Variants in NYNRIN observed in about 807,000 individuals in gnomAD.
NYNRIN encodes the protein protein NYNRIN.
Under a neutral mutation model 146.6 loss-of-function variants are expected in NYNRIN, and 86 were observed. That is an observed-to-expected ratio of 0.59 (90% CI 0.49 to 0.70). The LOEUF is 0.70. NYNRIN is among the 30% of genes least tolerant of loss of function. NYNRIN has a pLI of 0.00. For synonymous variants in NYNRIN, 1,027 were observed against 1,001.3 expected (o/e 1.03, Z -0.48); for missense variants, 2,191 against 2,377.7 (o/e 0.92, Z 1.63).
Position 24,411,527 on chromosome 14 carries a change from G to C in NYNRIN, c.2642+77G>C, listed in dbSNP as rs2042912889. On this transcript the variant is annotated intron_variant, in intron 6 of 8. Transcript: ENST00000382554. The surrounding 1 kb of genome is among the most constrained non-coding windows in gnomAD (Gnocchi z 4.3). ...TGGTGTGTCAGGTGGAGTCCGGCCT[G>C]TCTTCTCTGGGGAAATGGAGGCAAA... is the stretch of plus-strand genomic sequence containing the variant. 1 of 1,265,588 alleles carries C rather than the reference G, an allele frequency of 7.9e-7. No individual in the cohort carries two copies. The allele number at this position is 1,265,588 out of a possible 1,614,324, so 78.4% of individuals were successfully genotyped here.
In NYNRIN at chr14:24,415,788, C is replaced by T. The variant is rs371099138; in HGVS notation, c.4039C>T (p.Pro1347Ser). 1.9e-6 allele frequency: 3 copies of T among 1,614,050 alleles called. No individual in the cohort carries two copies. The highest frequency in any genetic ancestry group is 1.7e-6 in the Non-Finnish European group (2 of 1,179,898). ...TGTCTCCCTTTCCTTCTCCTGCTCC[C>T]CTTACACGCCAACCTATGCCCACCT... ...PPVSLSFSCSPYTPTYAHLAA... is the reference protein window; with the variant it reads ...PPVSLSFSCSSYTPTYAHLAA... Residue 1347 changes from proline (P) to serine (S), a missense_variant, in exon 9 of 9, where the codon CCT becomes TCT. Transcript: ENST00000382554.
At chr14:24,405,126 C>T (rs2042869441) in intron 2 of NYNRIN, among the ~76,000 whole-genome samples, 1 of 151,814 alleles carries the variant, frequency 6.6e-6, no homozygotes, top group East Asian at 1.9e-4. Flanking sequence ...TCTAACTGCT[C>T]CTCAAAGAAC....
In NYNRIN at chr14:24,407,861, G is replaced by A. The variant is rs1024917051; in HGVS notation, c.199-8G>A. The A allele has an allele frequency of 5.7e-6, 9 of 1,591,340 alleles. No homozygotes were observed. The highest frequency in any genetic ancestry group is 7.7e-6 in the Non-Finnish European group (9 of 1,167,702). ...CTGACTTCATTGTGTTCTCCCCATT[G>A]TGCCCAGGAATACCTGAAGGGCCTG... is the stretch of plus-strand genomic sequence containing the variant. On this transcript the variant is annotated splice_polypyrimidine_tract_variant and splice_region_variant and intron_variant, in intron 2 of 8. Coordinates refer to ENST00000382554, the MANE Select transcript of NYNRIN (RefSeq NM_025081.3).
chr14:24,408,684 G>A lies in NYNRIN; in HGVS notation c.890G>A (p.Ser297Asn), dbSNP rs375922437. ...TCCAACAACCAAGATGGTATGGACA[G>A]TGCTCAAGAGGAAGGGACAGTGCAA... ...VGSNNQDGMD[S>N]AQEEGTVQAT... The change falls in exon 4 of 9, where the codon AGT (serine) becomes AAT (asparagine). Residue 297 changes from serine to asparagine, a missense_variant. By Grantham distance (46) the Ser-to-Asn change is conservative (BLOSUM62 1). This residue lies in a region of NYNRIN where 895 missense variants were observed against 941.2 expected (regional missense o/e 0.95). Transcript: ENST00000382554. 8 of 1,612,242 alleles carry A rather than the reference G, an allele frequency of 5.0e-6. No homozygotes were observed. Among genetic ancestry groups the A allele is most frequent in the East Asian group, 2.2e-5 (1 of 44,882 alleles).
Position 24,416,589 on chromosome 14 carries a change from T to C in NYNRIN, c.4840T>C (p.Trp1614Arg). 1 of 1,613,940 alleles carries C rather than the reference T, an allele frequency of 6.2e-7. No individual in the cohort carries two copies. Among genetic ancestry groups the C allele is most frequent in the Non-Finnish European group, 8.5e-7 (1 of 1,179,856 alleles). ...ATGGCCCCTCAGGTCGACCGCCCCC[T>C]GGTCGAACCTGCAGATCGAGGTGGT... ...SPWPLRSTAP[W>R]SNLQIEVVGP... The change falls in exon 9 of 9, where the codon TGG (tryptophan) becomes CGG (arginine). Residue 1614 changes from tryptophan (W) to arginine (R), a missense_variant. By Grantham distance (101) the Trp-to-Arg change is moderately radical (BLOSUM62 -3). Coordinates refer to ENST00000382554, the MANE Select transcript of NYNRIN (RefSeq NM_025081.3).
chr14:24,409,008 C>T lies in NYNRIN; in HGVS notation c.1214C>T (p.Pro405Leu). ...CTGGGCCCCATTCAGTTGAAGCTGCCAGGGCAGAATCCTTTGCCCTTAAAT... is the reference window on the plus strand; with the variant it reads ...CTGGGCCCCATTCAGTTGAAGCTGCTAGGGCAGAATCCTTTGCCCTTAAAT... ...RPLGPIQLKL[P>L]GQNPLPLNLE... The change falls in exon 4 of 9, where the codon CCA (proline) becomes CTA (leucine). Residue 405 changes from proline to leucine, a missense_variant. Transcript: ENST00000382554. The T allele has an allele frequency of 6.2e-7, 1 of 1,613,592 alleles. No individual in the cohort carries two copies. The highest frequency in any genetic ancestry group is 8.5e-7 in the Non-Finnish European group (1 of 1,179,754).
Position 24,405,818 on chromosome 14 carries a change from T to C in NYNRIN, c.199-2051T>C, listed in dbSNP as rs528907624. 3.3e-5 allele frequency among the ~76,000 whole-genome samples: 5 copies of C among 152,290 alleles called. No individual in the cohort carries two copies. The East Asian group carries it at 9.6e-4, about 29-fold the overall frequency. ...ATAATAAGCTCTCACTAAATATTAG[T>C]TCATATTTATTATTTTAAAAATTAT... On this transcript the variant is annotated intron_variant, in intron 2 of 8. Transcript: ENST00000382554.
chr14:24,414,923 A>G lies in NYNRIN; in HGVS notation c.3174A>G (p.Pro1058=). 1 of 1,601,206 alleles carries G rather than the reference A, an allele frequency of 6.2e-7. No homozygotes were observed. Among genetic ancestry groups the G allele is most frequent in the South Asian group, 1.1e-5 (1 of 90,454 alleles). The change falls in exon 9 of 9, where the codon CCA becomes CCG. Residue 1058 remains proline (P), a synonymous_variant. Coordinates refer to ENST00000382554, the MANE Select transcript of NYNRIN (RefSeq NM_025081.3). Reference sequence around the variant, plus strand: ...GGGCCCTGGACATCGACCTCCTGCCAGGGGCAGCTTCTCCCTACCTGGGCA... The same window carrying G: ...GGGCCCTGGACATCGACCTCCTGCCGGGGGCAGCTTCTCCCTACCTGGGCA... The part of the protein sequence containing the change: ...PDGALDIDLL[P]GAASPYLGIP...
intron 2 of NYNRIN, among the ~76,000 whole-genome samples, chr14:24,406,202 A>AAAATG (rs1259861746): frequency 1.4e-4 from 3 of 20,798 alleles, no homozygotes; most frequent in African/African-American, 4.9e-4. Flanking sequence ...TCTGCCTCAA[A>AAAATG]AAATAAAATA....
At chr14:24,405,210 C>G (rs190129920) in intron 2 of NYNRIN, among the ~76,000 whole-genome samples, 3 of 152,160 alleles carry the variant, frequency 2.0e-5, no homozygotes, top group Admixed American at 6.5e-5. Context: ...TTTGAGTATC[C>G]TGCAGTGTAA....
Position 24,418,408 on chromosome 14 carries a change from C to T in NYNRIN, c.*962C>T, listed in dbSNP as rs540059115. ...ATCCCAAAGCCTACAGTCCTCTGCT[C>T]CTTCTACCTCCACTGTATCCTGCAT... On this transcript the variant is annotated 3_prime_UTR_variant, in exon 9 of 9. Transcript: ENST00000382554. 68 of 382,832 alleles carry T rather than the reference C, an allele frequency of 1.8e-4. No individual in the cohort carries two copies. Among genetic ancestry groups the T allele is most frequent in the South Asian group, 1.1e-3 (56 of 51,982 alleles). 23.7% of individuals were successfully genotyped at this position (382,832 alleles called of 1,614,324 possible).
chr14:24,402,873 C>T (rs2042853331), intron 2 of NYNRIN, among the ~76,000 whole-genome samples: 1 of 152,212 alleles, frequency 6.6e-6, no homozygotes, highest in African/African-American at 2.4e-5. Flanking sequence ...GAAGAGCACA[C>T]AGAGGTTCCC....
intron 2 of NYNRIN, among the ~76,000 whole-genome samples, chr14:24,405,469 T>A (rs1256171886): frequency 1.3e-5 from 2 of 152,254 alleles, no homozygotes; most frequent in East Asian, 3.8e-4. Context: ...TTCTACCTAG[T>A]TGTTAGTTGT....
chr14:24,399,169 T>C, intron 1 of NYNRIN, 61 bp from the exon 2 acceptor site: 1 of 1,392,864 alleles, frequency 7.2e-7, no homozygotes, highest in Non-Finnish European at 9.9e-7. Context: ...CGCCTGGGGC[T>C]GGGGGCTGGG....
Position 24,408,192 on chromosome 14 carries a change from T to C in NYNRIN, c.522T>C (p.His174=). The stretch of plus-strand genomic sequence containing the variant: ...TGGTCTGGATCCGTGGTGACCAGCA[T>C]GCAGGGGACCTACTGCAGCTGCCCC... ...GALVWIRGDQ[H]AGDLLQLPPA... Residue 174 remains histidine (H), a synonymous_variant, in exon 3 of 9, where the codon CAT becomes CAC. Coordinates refer to ENST00000382554, the MANE Select transcript of NYNRIN (RefSeq NM_025081.3). 6.2e-7 allele frequency: 1 copy of C among 1,601,114 alleles called. No homozygotes were observed. The highest frequency in any genetic ancestry group is 8.5e-7 in the Non-Finnish European group (1 of 1,176,926).
rs1594745062 is a variant in NYNRIN, at chr14:24,418,497, C to T, written c.*1051C>T. The T allele has an allele frequency of 8.9e-6, 3 of 338,632 alleles. No individual in the cohort carries two copies. Among genetic ancestry groups the T allele is most frequent in the East Asian group, 8.9e-5 (1 of 11,220 alleles). The allele number at this position is 338,632 out of a possible 1,614,324, so 21.0% of individuals were successfully genotyped here. On this transcript the variant is annotated 3_prime_UTR_variant, in exon 9 of 9. Transcript: ENST00000382554. The stretch of plus-strand genomic sequence containing the variant: ...CACCCCCCGAGTCCTGTGGACCTGC[C>T]TTCTGTGTAGAGCAAAACCCAGGCT...
chr14:24,413,963 C>G (rs1479804387), intron 8 of NYNRIN, among the ~76,000 whole-genome samples: 1 of 152,192 alleles, frequency 6.6e-6, no homozygotes, highest in East Asian at 1.9e-4. Context: ...TGACCACTGT[C>G]TTCATTTTAT....
Position 24,416,711 on chromosome 14 carries a change from C to T in NYNRIN, c.4962C>T (p.Tyr1654=). 6.2e-7 allele frequency: 1 copy of T among 1,613,866 alleles called. No homozygotes were observed. Among genetic ancestry groups the T allele is most frequent in the East Asian group, 2.2e-5 (1 of 44,892 alleles). ...RWVEAFPLKP[Y]THTAVAQVLL... ...TGGAGGCATTCCCCCTGAAGCCCTACACACACACGGCTGTGGCCCAGGTGC... is the reference window on the plus strand; with the variant it reads ...TGGAGGCATTCCCCCTGAAGCCCTATACACACACGGCTGTGGCCCAGGTGC... Residue 1654 remains tyrosine (Y), a synonymous_variant, in exon 9 of 9, where the codon TAC becomes TAT. Transcript: ENST00000382554.
chr14:24,400,747 A>G (rs1249527109), intron 2 of NYNRIN, among the ~76,000 whole-genome samples: 1 of 151,012 alleles, frequency 6.6e-6, no homozygotes, highest in Non-Finnish European at 1.5e-5. Context: ...TTTGAAAGGC[A>G]GCAGCTCACC....
Sources: allele counts gnomAD v4.1 joint callset (sites outside exome capture counted in the v4.1 genomes callset), GRCh38; gene constraint gnomAD v4.1.1; regional missense constraint gnomAD v4.1.1; non-coding constraint Gnocchi (gnomAD v3.1); transcripts MANE v1.5; gene names NCBI Gene and HGNC (gene_info 2026-07-23, HGNC 2026-07-21).